EZR: variants seen among roughly 807,000 people sequenced by gnomAD.
The protein encoded by EZR is ezrin, also known as cytovillin 2.
EZR carries 40 observed loss-of-function variants against 74.8 expected under a neutral mutation model. The observed-to-expected ratio is 0.53, with a 90% CI of 0.42 to 0.70. The LOEUF is 0.70. EZR is among the 30% of genes least tolerant of loss of function. The pLI is 0.00. For synonymous variants in EZR, 341 were observed against 283.3 expected, an observed-to-expected ratio of 1.20 and a Z score of -2.05; for missense variants, 678 against 755.8, an observed-to-expected ratio of 0.90 and a Z score of 1.21.
intron 7 of EZR, among the ~76,000 whole-genome samples, chr6:158,780,815 C>T (rs367720713): frequency 6.6e-6 from 1 of 152,196 alleles, no homozygotes; most frequent in South Asian, 2.1e-4. Flanking sequence ...TGTTCACAAG[C>T]TTACAATGCC....
At chr6:158,793,445 G>A (rs572896415) in intron 2 of EZR, among the ~76,000 whole-genome samples, 2 of 152,046 alleles carry the variant, frequency 1.3e-5, no homozygotes, top group East Asian at 3.9e-4. Flanking sequence ...TCTACAATCT[G>A]TATCTTTACA....
chr6:158,772,282 G>A (rs1325942617), intron 8 of EZR, among the ~76,000 whole-genome samples: 3 of 152,238 alleles, frequency 2.0e-5, no homozygotes, highest in East Asian at 1.9e-4. Context: ...CTGCCAGCTC[G>A]TGCAGCACAG....
chr6:158,802,752 G>A (rs900448146), intron 2 of EZR, among the ~76,000 whole-genome samples: 2 of 152,056 alleles, frequency 1.3e-5, no homozygotes, highest in African/African-American at 2.4e-5. Context: ...AGATGGTCTC[G>A]ATCTCCTGAC....
intron 2 of EZR, among the ~76,000 whole-genome samples, chr6:158,816,935 A>G (rs911417900): frequency 3.3e-5 from 5 of 152,018 alleles, no homozygotes; most frequent in Non-Finnish European, 7.4e-5. Context: ...AAATACAAAA[A>G]CCAGCTGGGC....
chr6:158,805,084 G>A (rs1239355659), intron 2 of EZR, among the ~76,000 whole-genome samples: 1 of 151,990 alleles, frequency 6.6e-6, no homozygotes, highest in East Asian at 1.9e-4. Context: ...GGAGTGAGAA[G>A]GTGAGTCTAG....
intron 12 of EZR, 151 bp downstream of exon 12, chr6:158,769,175 G>T (rs927714742): frequency 3.1e-6 from 2 of 636,360 alleles, no homozygotes; most frequent in Non-Finnish European, 5.6e-6. Context: ...TATTGGCAGA[G>T]GATCATGAGA....
chr6:158,792,700 A>G (rs1051192318), intron 2 of EZR, among the ~76,000 whole-genome samples: 2 of 151,882 alleles, frequency 1.3e-5, no homozygotes, highest in Admixed American at 6.6e-5. Context: ...CTGTAGTCAC[A>G]GCTACTCGGG....
intron 7 of EZR, among the ~76,000 whole-genome samples, chr6:158,781,643 A>C (rs1791435135): frequency 6.6e-6 from 1 of 152,176 alleles, no homozygotes; most frequent in African/African-American, 2.4e-5. Context: ...AGTTTCCCAC[A>C]TACGTTCCCA....
intron 2 of EZR, among the ~76,000 whole-genome samples, chr6:158,808,608 C>T (rs899441993): frequency 6.6e-6 from 1 of 152,208 alleles, no homozygotes; most frequent in African/African-American, 2.4e-5. Flanking sequence ...CAGGGCCAGG[C>T]ATAAGGCCAG....
In EZR at chr6:158,766,719, C is replaced by CACT. The variant is rs2128563097; in HGVS notation, c.*192_*194dup. 1 of 623,600 alleles carries CACT rather than the reference C, an allele frequency of 1.6e-6. No homozygotes were observed. Among genetic ancestry groups the CACT allele is most frequent in the Non-Finnish European group, 2.9e-6 (1 of 350,360 alleles). 38.6% of individuals were successfully genotyped at this position (623,600 alleles called of 1,614,324 possible). A position where few individuals can be genotyped will look rare whatever the true frequency, so the allele number is the denominator to read the frequency against. On this transcript the variant is annotated 3_prime_UTR_variant, in exon 14 of 14. Coordinates refer to ENST00000367075, the MANE Select transcript of EZR (RefSeq NM_001111077.2). ...AATCGCGAGAATCAGGCCTGCTTGGCACTATTACAACTGGGGAAAACAAAC... is the reference window on the plus strand; with the variant it reads ...AATCGCGAGAATCAGGCCTGCTTGGCACTACTATTACAACTGGGGAAAACAAAC...
At position 158,771,357 on chromosome 6, in the gene EZR, C is replaced by T. The variant is rs200746969; in HGVS notation, c.846G>A (p.Gln282=). The change falls in exon 9 of 14, where the codon CAG becomes CAA. Residue 282 remains glutamine, a synonymous_variant. Transcript: ENST00000367075. ...PRLRINKRIL[Q]LCMGNHELYM... ...ACAACTCATGGTTGCCCATGCAGAGCTGCAGGATCCGCTTGTTGATTCTCA... is the reference window on the plus strand; with the variant it reads ...ACAACTCATGGTTGCCCATGCAGAGTTGCAGGATCCGCTTGTTGATTCTCA... The T allele has an allele frequency of 3.1e-6, 5 of 1,613,982 alleles. No individual in the cohort carries two copies. In the East Asian group the frequency reaches 6.7e-5, roughly 22 times the overall value.
chr6:158,783,238 A>G (rs1791478306), intron 7 of EZR, among the ~76,000 whole-genome samples: 1 of 105,824 alleles, frequency 9.4e-6, no homozygotes, highest in African/African-American at 3.1e-5. Context: ...GTGGAATCTC[A>G]GAGGCAGCGG....
intron 9 of EZR, 98 bp from the exon 10 acceptor site, chr6:158,770,992 T>C (rs1791088603): frequency 6.4e-7 from 1 of 1,567,712 alleles, no homozygotes; most frequent in African/African-American, 1.4e-5. Flanking sequence ...AGGATGGACT[T>C]GGTATCCTGA....
At chr6:158,801,631 G>A (rs1329938360) in intron 2 of EZR, among the ~76,000 whole-genome samples, 1 of 152,170 alleles carries the variant, frequency 6.6e-6, no homozygotes, top group Non-Finnish European at 1.5e-5. Context: ...ACCAGGATAT[G>A]TACTAGTCTT....
intron 2 of EZR, among the ~76,000 whole-genome samples, chr6:158,804,896 G>A (rs1011742712): frequency 2.7e-5 from 4 of 146,572 alleles, no homozygotes; most frequent in East Asian, 2.0e-4. Context: ...TATATCTCCC[G>A]ATGCTATCCC....
chr6:158,772,601 A>C (rs1269754134), intron 8 of EZR, among the ~76,000 whole-genome samples: 1 of 152,238 alleles, frequency 6.6e-6, no homozygotes, highest in Non-Finnish European at 1.5e-5. Context: ...CCATGACTGG[A>C]AACATTTGGG....
At chr6:158,774,241 TG>T (rs1459897943) in intron 8 of EZR, among the ~76,000 whole-genome samples, 5 of 152,138 alleles carry the variant, frequency 3.3e-5, no homozygotes, top group Non-Finnish European at 7.4e-5. Context: ...TGGGGTGCTG[TG>T]GGGGTGACAG....
At chr6:158,818,721 G>A (rs1433491735) in intron 1 of EZR, among the ~76,000 whole-genome samples, 1 of 151,674 alleles carries the variant, frequency 6.6e-6, no homozygotes, top group Non-Finnish European at 1.5e-5. Flanking sequence ...GGGAGAGGGA[G>A]CGCGCGCCTG....
At chr6:158,818,844 G>C (rs1777626839) in intron 1 of EZR, among the ~76,000 whole-genome samples, 1 of 151,008 alleles carries the variant, frequency 6.6e-6, no homozygotes, top group South Asian at 2.1e-4. Flanking sequence ...GGGGGCACAG[G>C]GCGGGCGGGG....
Sources: allele counts gnomAD v4.1 joint callset (sites outside exome capture counted in the v4.1 genomes callset), GRCh38; gene constraint gnomAD v4.1.1; transcripts MANE v1.5; gene names NCBI Gene and HGNC (gene_info 2026-07-23, HGNC 2026-07-21).